ATG10: variants seen among roughly 807,000 people sequenced by gnomAD.
ATG10 encodes autophagy related 10, also known as ubiquitin-like-conjugating enzyme ATG10.
ATG10 carries 30 observed loss-of-function variants against 32.1 expected under a neutral mutation model. The observed-to-expected ratio is 0.94, with a 90% CI of 0.70 to 1.27. ATG10 has a LOEUF of 1.27. Ranked by LOEUF, ATG10 falls within the 50% of genes most tolerant of loss-of-function variation. The pLI, the probability that ATG10 is intolerant of heterozygous loss-of-function variation, is 0.00. For missense variants in ATG10, 233 were observed against 262.3 expected, an observed-to-expected ratio of 0.89 and a Z score of 0.77; for synonymous variants, 87 against 91.5, an observed-to-expected ratio of 0.95 and a Z score of 0.28.
intron 3 of ATG10, among the ~76,000 whole-genome samples, chr5:82,094,108 C>T (rs539321502): frequency 2.6e-5 from 4 of 152,070 alleles, no homozygotes; most frequent in African/African-American, 9.7e-5. Flanking sequence ...CACCTCATCG[C>T]GGGAAGCCTT....
intron 3 of ATG10, among the ~76,000 whole-genome samples, chr5:82,115,620 AT>A (rs879706856): frequency 6.6e-6 from 1 of 152,052 alleles, no homozygotes; most frequent in South Asian, 2.1e-4. Context: ...AGTTTAATCA[AT>A]TTTTTTGTAA....
intron 3 of ATG10, among the ~76,000 whole-genome samples, chr5:82,131,078 G>A (rs766584947): frequency 6.6e-6 from 1 of 152,056 alleles, no homozygotes; most frequent in Non-Finnish European, 1.5e-5. Context: ...AGTAGGGGGT[G>A]GAAGGAGTGG....
chr5:82,062,038 C>T (rs1199172337), intron 3 of ATG10, among the ~76,000 whole-genome samples: 1 of 151,618 alleles, frequency 6.6e-6, no homozygotes, highest in Non-Finnish European at 1.5e-5. Context: ...CTCTGTTGCC[C>T]GGGCTTGTCT....
At chr5:82,140,020 T>A (rs1231859222) in intron 3 of ATG10, among the ~76,000 whole-genome samples, 4 of 91,074 alleles carry the variant, frequency 4.4e-5, no homozygotes, top group East Asian at 3.3e-4. Context: ...TACTGGGAAG[T>A]GAGGAGCCCC....
chr5:82,167,800 TGTACAG>T (rs1285370010), intron 4 of ATG10, among the ~76,000 whole-genome samples: 1 of 152,206 alleles, frequency 6.6e-6, no homozygotes, highest in East Asian at 1.9e-4. Context: ...ACTACTTTGG[TGTACAG>T]GAGCTCAGTT....
At chr5:82,179,976 A>G (rs1744171762) in intron 5 of ATG10, among the ~76,000 whole-genome samples, 1 of 152,106 alleles carries the variant, frequency 6.6e-6, no homozygotes, top group Non-Finnish European at 1.5e-5. Context: ...TCCTAGATCA[A>G]GCCCTCTGAC....
chr5:82,027,171 G>A (rs1028231846), intron 2 of ATG10, among the ~76,000 whole-genome samples: 3 of 152,042 alleles, frequency 2.0e-5, no homozygotes, highest in African/African-American at 7.2e-5. Context: ...GGTCAAGGTG[G>A]GAGGATCACT....
chr5:82,252,681 C>T (rs752737686), intron 6 of ATG10, 22 bp downstream of exon 6: 1 of 1,387,684 alleles, frequency 7.2e-7, no homozygotes, highest in South Asian at 1.3e-5. Flanking sequence ...CATCAAGATA[C>T]ATTGGCTTCT....
At chr5:82,170,131 G>A (rs898548276) in intron 4 of ATG10, among the ~76,000 whole-genome samples, 1 of 152,190 alleles carries the variant, frequency 6.6e-6, no homozygotes, top group Admixed American at 6.5e-5. Flanking sequence ...GGACCCAGAG[G>A]CTTGGGAGAG....
chr5:82,010,173 G>A, intron 2 of ATG10: 1 of 1,212,026 alleles, frequency 8.3e-7, no homozygotes, highest in Non-Finnish European at 1.2e-6. Flanking sequence ...AGGTCTTGGA[G>A]AATGTTTCCA....
chr5:82,169,717 A>C (rs1743730360), intron 4 of ATG10, among the ~76,000 whole-genome samples: 1 of 152,240 alleles, frequency 6.6e-6, no homozygotes, highest in Non-Finnish European at 1.5e-5. Flanking sequence ...AATGAACCAT[A>C]ACATGAATTT....
chr5:82,111,900 A>G (rs1765633568), intron 3 of ATG10, among the ~76,000 whole-genome samples: 1 of 152,050 alleles, frequency 6.6e-6, no homozygotes, highest in Non-Finnish European at 1.5e-5. Flanking sequence ...ATTTGTGTTC[A>G]TATATCTGTT....
chr5:82,182,575 G>C (rs529781388), intron 5 of ATG10, among the ~76,000 whole-genome samples: 2 of 152,114 alleles, frequency 1.3e-5, no homozygotes, highest in Non-Finnish European at 2.9e-5. Flanking sequence ...CAGCAACCCG[G>C]ATGAATCTTC....
intron 3 of ATG10, among the ~76,000 whole-genome samples, chr5:82,138,702 G>T (rs1249238070): frequency 6.6e-6 from 1 of 152,072 alleles, no homozygotes; most frequent in East Asian, 1.9e-4. Flanking sequence ...ATTCTTTTTA[G>T]TATATTTAGC....
intron 5 of ATG10, among the ~76,000 whole-genome samples, chr5:82,250,826 A>G (rs1222308404): frequency 6.6e-6 from 1 of 152,258 alleles, no homozygotes; most frequent in Non-Finnish European, 1.5e-5. Context: ...CATAAAAAAG[A>G]TGATTGATTA....
intron 2 of ATG10, among the ~76,000 whole-genome samples, chr5:82,025,620 T>C (rs1350278962): frequency 6.6e-6 from 1 of 152,212 alleles, no homozygotes; most frequent in Non-Finnish European, 1.5e-5. Flanking sequence ...AAATAGGCTA[T>C]AGGTGGACTC....
intron 5 of ATG10, among the ~76,000 whole-genome samples, chr5:82,235,196 A>G (rs1265912499): frequency 6.6e-6 from 1 of 151,896 alleles, no homozygotes; most frequent in Non-Finnish European, 1.5e-5. Flanking sequence ...TCCTCTATTC[A>G]TGCTGGAGAA....
rs192298769 is a variant in ATG10 at position 82,021,505 on chromosome 5, A to G, written c.108+33827A>G. Among the ~76,000 whole-genome samples the G allele has an allele frequency of 2.0e-5, 3 of 152,384 alleles. No individual in the cohort carries two copies. In the East Asian group the frequency reaches 5.8e-4, roughly 29 times the overall value. On this transcript the variant is annotated intron_variant, in intron 2 of 7. Coordinates refer to ENST00000282185, the MANE Select transcript of ATG10 (RefSeq NM_031482.5). Reference sequence around the variant, plus strand: ...CAATACCTGATACAGTGTAAATGCTATGTAAATAATTGTTATACTGTATTG... The same window carrying G: ...CAATACCTGATACAGTGTAAATGCTGTGTAAATAATTGTTATACTGTATTG...
intron 3 of ATG10, among the ~76,000 whole-genome samples, chr5:82,139,943 G>A (rs1169698743): frequency 7.4e-6 from 1 of 135,120 alleles, no homozygotes; most frequent in Admixed American, 7.0e-5. Context: ...GGAGGTGGGG[G>A]GGTCAGCCCT....
Sources: allele counts gnomAD v4.1 joint callset (sites outside exome capture counted in the v4.1 genomes callset), GRCh38; gene constraint gnomAD v4.1.1; transcripts MANE v1.5; gene names NCBI Gene and HGNC (gene_info 2026-07-23, HGNC 2026-07-21).